ASAH2: variants seen among roughly 807,000 people sequenced by gnomAD.
The protein encoded by ASAH2 is neutral ceramidase.
Under a neutral mutation model 82.9 loss-of-function variants are expected in ASAH2, and 58 were observed. The observed-to-expected ratio is 0.70, with a 90% CI of 0.57 to 0.87. The LOEUF (loss-of-function observed/expected upper bound fraction) is 0.87. Ranked by LOEUF, ASAH2 falls within the 40% of genes least tolerant of loss-of-function variation. The pLI is 0.00. For synonymous variants in ASAH2, 276 were observed against 289.7 expected, an observed-to-expected ratio of 0.95 and a Z score of 0.48; for missense variants, 779 against 834.0, an observed-to-expected ratio of 0.93 and a Z score of 0.81.
At chr10:50,199,253 A>G in intron 16 of ASAH2, 107 bp from the exon 17 acceptor site, 2 of 1,080,720 alleles carry the variant, frequency 1.9e-6, no homozygotes, top group Non-Finnish European at 2.8e-6. Flanking sequence ...ACATTATTCA[A>G]AACTGGCACA....
intron 17 of ASAH2, among the ~76,000 whole-genome samples, chr10:50,197,970 AC>A (rs1845030539): frequency 1.3e-5 from 2 of 152,108 alleles, no homozygotes; most frequent in African/African-American, 4.8e-5. Flanking sequence ...AAAAAAAGTA[AC>A]CTAAAACTGA....
intron 4 of ASAH2, among the ~76,000 whole-genome samples, chr10:50,236,461 G>A (rs1246162464): frequency 6.6e-6 from 1 of 152,026 alleles, no homozygotes; most frequent in African/African-American, 2.4e-5. Flanking sequence ...ACCTCCCATG[G>A]GGTCCCTCCC....
intron 12 of ASAH2, among the ~76,000 whole-genome samples, chr10:50,210,275 C>T (rs1255637125): frequency 4.0e-5 from 6 of 151,858 alleles, no homozygotes; most frequent in African/African-American, 7.3e-5. Context: ...CTGAGGCGGG[C>T]GGATCACTTG....
At chr10:50,195,988 C>T (rs1844968178) in intron 18 of ASAH2, among the ~76,000 whole-genome samples, 1 of 151,800 alleles carries the variant, frequency 6.6e-6, no homozygotes, top group Admixed American at 6.6e-5. Context: ...TACTGTACAA[C>T]TTGATGGCTT....
intron 5 of ASAH2, among the ~76,000 whole-genome samples, chr10:50,235,371 A>G (rs955275061): frequency 1.3e-5 from 2 of 152,128 alleles, no homozygotes; most frequent in African/African-American, 4.8e-5. Flanking sequence ...AGAGAGGAGT[A>G]TAAGCTACTG....
intron 7 of ASAH2, among the ~76,000 whole-genome samples, chr10:50,227,855 G>A (rs1296477164): frequency 6.6e-6 from 1 of 152,066 alleles, no homozygotes; most frequent in Non-Finnish European, 1.5e-5. Flanking sequence ...TTCACCTACG[G>A]GGCAGGGGAG....
chr10:50,187,885 A>ATG (rs1460808570), intron 20 of ASAH2, among the ~76,000 whole-genome samples: 11 of 18,292 alleles, frequency 6.0e-4, no homozygotes, highest in Admixed American at 1.3e-3. Flanking sequence ...CTATATATAT[A>ATG]TGTGTGTGTG....
At chr10:50,232,132 G>C (rs1203480598) in intron 7 of ASAH2, among the ~76,000 whole-genome samples, 1 of 152,144 alleles carries the variant, frequency 6.6e-6, no homozygotes, top group African/African-American at 2.4e-5. Context: ...AGGGCCAACT[G>C]TGGTGTGTGA....
intron 7 of ASAH2, among the ~76,000 whole-genome samples, chr10:50,229,054 C>T (rs1224920137): frequency 1.3e-5 from 2 of 152,218 alleles, no homozygotes; most frequent in African/African-American, 4.8e-5. Flanking sequence ...CCACTGACCA[C>T]AACTACCACT....
In ASAH2 at chr10:50,208,313, C is replaced by A. The variant is rs988009994; in HGVS notation, c.1415-2216G>T. Among the ~76,000 whole-genome samples the A allele has an allele frequency of 6.6e-3, 1,004 of 151,256 alleles. 13 individuals are homozygous for A. The highest frequency in any genetic ancestry group is 0.023 in the African/African-American group (958 of 41,286). On this transcript the variant is annotated intron_variant, in intron 12 of 20. Transcript: ENST00000682911. ...TGAAGGTTCTAGGCAGGCAATTAGG[C>A]AAGAAAAAGAAATAAAAGGCATTCA... is the stretch of plus-strand genomic sequence containing the variant.
chr10:50,233,280 A>G lies in ASAH2; in HGVS notation c.816-19T>C. The G allele has an allele frequency of 3.9e-6, 6 of 1,552,464 alleles. No homozygotes were observed. The highest frequency in any genetic ancestry group is 5.3e-6 in the Non-Finnish European group (6 of 1,124,068). ...AGAATACCTAGTCAGTAAAACAGAA[A>G]AGCACAGTCAGTTCTGTGTTAGAGC... On this transcript the variant is annotated intron_variant, in intron 6 of 20. Coordinates refer to ENST00000682911, the MANE Select transcript of ASAH2 (RefSeq NM_019893.4).
At chr10:50,245,095 A>G (rs1488959270) in intron 3 of ASAH2, 127 bp downstream of exon 3, 2 of 870,420 alleles carry the variant, frequency 2.3e-6, no homozygotes, top group Non-Finnish European at 3.7e-6. Context: ...GCTAGACAGC[A>G]GCAAGGTCAA....
At chr10:50,215,127 A>G (rs1442015717) in intron 8 of ASAH2, among the ~76,000 whole-genome samples, 1 of 152,214 alleles carries the variant, frequency 6.6e-6, no homozygotes, top group African/African-American at 2.4e-5. Context: ...TGTTTTAGTC[A>G]TGAAGTCTTT....
chr10:50,251,057 T>G (rs1161163502), intron 1 of ASAH2, among the ~76,000 whole-genome samples: 2 of 152,208 alleles, frequency 1.3e-5, no homozygotes, highest in Non-Finnish European at 2.9e-5. Flanking sequence ...AGCAGATGCC[T>G]TCCCTGCCTT....
At chr10:50,196,699 GCAAATGGTGACA>G (rs1844994311) in intron 18 of ASAH2, 62 bp downstream of exon 18, 1 of 1,138,366 alleles carries the variant, frequency 8.8e-7, no homozygotes, top group Non-Finnish European at 1.3e-6. Flanking sequence ...ATGATTAGAG[GCAAATGGTGACA>G]CAAAGTGACA....
intron 6 of ASAH2, among the ~76,000 whole-genome samples, chr10:50,234,036 G>A (rs896710983): frequency 1.3e-5 from 2 of 151,976 alleles, no homozygotes; most frequent in African/African-American, 2.4e-5. Flanking sequence ...AATATGCATT[G>A]AGCACATTTT....
Position 50,214,734 on chromosome 10 carries a change from A to T in ASAH2, c.1140+9T>A, listed in dbSNP as rs1845550328. On this transcript the variant is annotated intron_variant, in intron 9 of 20. Coordinates refer to ENST00000682911, the MANE Select transcript of ASAH2 (RefSeq NM_019893.4). ...AAAAACAAAGATTTCATGTGTCATA[A>T]TTACCTACCCCACCAATGGGACAAG... 1.2e-6 allele frequency: 2 copies of T among 1,613,630 alleles called. No homozygotes were observed. Among genetic ancestry groups the T allele is most frequent in the East Asian group, 4.5e-5 (2 of 44,878 alleles).
intron 12 of ASAH2, among the ~76,000 whole-genome samples, chr10:50,207,632 C>G (rs187405967): frequency 0.049 from 2,763 of 56,804 alleles, 78 homozygotes; most frequent in African/African-American, 0.091. Flanking sequence ...AATAGGCAAT[C>G]TAAAAAAAAA....
intron 13 of ASAH2, 112 bp from the exon 14 acceptor site, chr10:50,205,067 A>ATC: frequency 7.3e-6 from 5 of 685,726 alleles, no homozygotes; most frequent in Non-Finnish European, 1.2e-5. Context: ...TGTAGTATTA[A>ATC]ATATTCTATA....
Sources: allele counts gnomAD v4.1 joint callset (sites outside exome capture counted in the v4.1 genomes callset), GRCh38; gene constraint gnomAD v4.1.1; transcripts MANE v1.5; gene names NCBI Gene and HGNC (gene_info 2026-07-23, HGNC 2026-07-21).